The following ODAD4 variants were observed in gnomAD, a reference collection of about 807,000 sequenced individuals.
ODAD4 encodes the protein outer dynein arm-docking complex subunit 4.
A neutral mutation model predicts 51.8 loss-of-function variants in ODAD4; 49 were observed. The ratio of observed to expected loss-of-function variants is 0.95; its 90% CI spans 0.75 to 1.20. ODAD4 has a LOEUF of 1.20. Among genes scored for constraint, ODAD4 ranks in the 50% most tolerant of loss-of-function variants. The pLI is 0.00. For missense variants in ODAD4, 590 were observed against 586.5 expected (o/e 1.01, Z -0.06); for synonymous variants, 235 against 221.3 (o/e 1.06, Z -0.55).
intron 10 of ODAD4, among the ~76,000 whole-genome samples, chr17:41,957,370 C>T (rs544379174): frequency 6.6e-5 from 10 of 152,148 alleles, no homozygotes; most frequent in South Asian, 2.1e-4. Context: ...AGATCCCTCA[C>T]GTGCCGTTCA....
At chr17:41,930,987 G>C (rs1598064439) in intron 1 of ODAD4, 150 bp downstream of exon 1, 1 of 525,884 alleles carries the variant, frequency 1.9e-6, no homozygotes, top group Non-Finnish European at 3.3e-6. Flanking sequence ...TCCGCCTCCC[G>C]GGTTCAAGTG....
intron 9 of ODAD4, among the ~76,000 whole-genome samples, chr17:41,952,871 T>C (rs974078332): frequency 6.6e-6 from 1 of 152,018 alleles, no homozygotes; most frequent in East Asian, 1.9e-4. Context: ...CCCCAGTTGC[T>C]GGGACCACAG....
At chr17:41,947,488 AAAAT>A (rs2050604406) in intron 8 of ODAD4, among the ~76,000 whole-genome samples, 1 of 147,322 alleles carries the variant, frequency 6.8e-6, no homozygotes, top group South Asian at 2.2e-4. Context: ...CTGTCTCAAA[AAAAT>A]AAATAAATAA....
intron 11 of ODAD4, among the ~76,000 whole-genome samples, chr17:41,961,706 T>C (rs935432476): frequency 1.1e-4 from 16 of 152,218 alleles, no homozygotes; most frequent in African/African-American, 2.2e-4. Flanking sequence ...CTCTCTTCAA[T>C]TGATTCATCA....
At chr17:41,950,510 G>A (rs2050638669) in intron 9 of ODAD4, among the ~76,000 whole-genome samples, 1 of 151,282 alleles carries the variant, frequency 6.6e-6, no homozygotes, top group Non-Finnish European at 1.5e-5. Flanking sequence ...AGCTTCCTGA[G>A]TAGCTGGGAT....
At chr17:41,963,381 T>G (rs1457608932) in intron 11 of ODAD4, among the ~76,000 whole-genome samples, 3 of 152,168 alleles carry the variant, frequency 2.0e-5, no homozygotes, top group Non-Finnish European at 4.4e-5. Context: ...GCAGCGTATA[T>G]CTTTATAGGA....
intron 1 of ODAD4, among the ~76,000 whole-genome samples, chr17:41,933,486 A>C (rs549688532): frequency 1.8e-4 from 28 of 152,228 alleles, no homozygotes; most frequent in Non-Finnish European, 3.7e-4. Context: ...CCCTGTTTCT[A>C]CTAAAAATAC....
At position 41,943,170 on chromosome 17, in the gene ODAD4, G is replaced by C. The variant is rs1214406407; in HGVS notation, c.1059-1966G>C. 2.6e-5 allele frequency among the ~76,000 whole-genome samples: 4 copies of C among 152,178 alleles called. No homozygotes were observed. In the East Asian group the frequency reaches 7.7e-4, roughly 29 times the overall value. On this transcript the variant is annotated intron_variant, in intron 7 of 11. Transcript: ENST00000377540. ...ATGATGTTGTTGGAATGTGTCCTCT[G>C]GCTCCTTTTCAATGTGTTTACCTAC...
intron 8 of ODAD4, 175 bp downstream of exon 8, chr17:41,945,397 A>G: frequency 1.7e-6 from 1 of 603,768 alleles, no homozygotes; most frequent in East Asian, 2.8e-5. Context: ...CTGTGGTCCC[A>G]GCTACTTGGG....
At chr17:41,938,108 C>T (rs889827213) in intron 5 of ODAD4, among the ~76,000 whole-genome samples, 1 of 152,218 alleles carries the variant, frequency 6.6e-6, no homozygotes, top group African/African-American at 2.4e-5. Flanking sequence ...CTGGCTGTAA[C>T]CTCTGGCCAG....
chr17:41,940,806 T>A (rs1174383085), intron 7 of ODAD4, among the ~76,000 whole-genome samples: 2 of 152,194 alleles, frequency 1.3e-5, no homozygotes, highest in African/African-American at 4.8e-5. Context: ...GCCAGACCTC[T>A]CTCCTGAGCC....
intron 10 of ODAD4, among the ~76,000 whole-genome samples, chr17:41,960,329 AAAC>A (rs2050787870): frequency 6.6e-6 from 1 of 151,648 alleles, no homozygotes; most frequent in Non-Finnish European, 1.5e-5. Flanking sequence ...ACAAACAAAA[AAAC>A]AGTTACTCAG....
At chr17:41,954,409 G>A (rs1180161604) in intron 9 of ODAD4, among the ~76,000 whole-genome samples, 1 of 152,120 alleles carries the variant, frequency 6.6e-6, no homozygotes, top group Non-Finnish European at 1.5e-5. Context: ...GAGCCCAGAT[G>A]AGCCGCTTTT....
chr17:41,955,628 G>A lies in ODAD4; in HGVS notation c.1443+311G>A, dbSNP rs533904867. Among the ~76,000 whole-genome samples, 107 of 152,146 alleles carry A rather than the reference G, an allele frequency of 7.0e-4. 2 individuals are homozygous for A. The highest frequency in any genetic ancestry group is 4.3e-4 in the Non-Finnish European group (29 of 68,002). On this transcript the variant is annotated intron_variant, in intron 10 of 11. Coordinates refer to ENST00000377540, the MANE Select transcript of ODAD4 (RefSeq NM_031421.5). The stretch of plus-strand genomic sequence containing the variant: ...TTTTTAGTAGAGACAGGGTTTCACT[G>A]TTAGCCAGGATGGTCTCGATCTCCT...
At chr17:41,945,343 CAAAAAAA>C (rs35481109) in intron 8 of ODAD4, 121 bp downstream of exon 8, 251 of 439,432 alleles carry the variant, frequency 5.7e-4, no homozygotes, top group South Asian at 4.5e-3. Context: ...TCCCTCTCTA[CAAAAAAA>C]AAAAAAAAAA....
intron 9 of ODAD4, chr17:41,954,920 C>T (rs1037097758): frequency 1.6e-5 from 6 of 379,324 alleles, no homozygotes; most frequent in Middle Eastern, 3.5e-4. Context: ...TTTTCTCCTC[C>T]ACTCTGGAGA....
intron 8 of ODAD4, 115 bp downstream of exon 8, chr17:41,945,337 T>G: frequency 8.6e-6 from 4 of 464,464 alleles, no homozygotes; most frequent in African/African-American, 2.4e-5. Context: ...GAAGACTCCC[T>G]CTCTACAAAA....
chr17:41,958,381 CT>C (rs2050760514), intron 10 of ODAD4, among the ~76,000 whole-genome samples: 1 of 151,938 alleles, frequency 6.6e-6, no homozygotes, highest in Non-Finnish European at 1.5e-5. Context: ...TAAAACTAGG[CT>C]GGGTGTGGTG....
In ODAD4 at chr17:41,949,282, G is replaced by A. The variant is rs1407382759; in HGVS notation, c.1275G>A (p.Gln425=). 4 of 398,582 alleles carry A rather than the reference G, an allele frequency of 1.0e-5. No homozygotes were observed. The highest frequency in any genetic ancestry group is 6.2e-5 in the African/African-American group (3 of 48,640). The allele number at this position is 398,582 out of a possible 1,614,324, so 24.7% of individuals were successfully genotyped here. A position where few individuals can be genotyped will look rare whatever the true frequency, so the allele number is the denominator to read the frequency against. The change falls in exon 9 of 12, where the codon CAG becomes CAA. Residue 425 remains glutamine (Q), a synonymous_variant. Coordinates refer to ENST00000377540, the MANE Select transcript of ODAD4 (RefSeq NM_031421.5). ...QAQNYGEKSQ[Q]CAEEEGDIEW... ...AGAATTATGGCGAGAAGTCCCAGCAGTGTGCCGAGGAGGAAGGGGACATTG... is the reference window on the plus strand; with the variant it reads ...AGAATTATGGCGAGAAGTCCCAGCAATGTGCCGAGGAGGAAGGGGACATTG...
Sources: allele counts gnomAD v4.1 joint callset (sites outside exome capture counted in the v4.1 genomes callset), GRCh38; gene constraint gnomAD v4.1.1; transcripts MANE v1.5; gene names NCBI Gene and HGNC (gene_info 2026-07-23, HGNC 2026-07-21).